The following MFHAS1 variants were observed in gnomAD, a reference collection of about 807,000 sequenced individuals.
MFHAS1 encodes multifunctional ROCO family signaling regulator 1.
MFHAS1 carries 50 observed loss-of-function variants against 70.4 expected under a neutral mutation model. The ratio of observed to expected loss-of-function variants is 0.71; its 90% CI spans 0.57 to 0.90. The LOEUF (loss-of-function observed/expected upper bound fraction) is 0.90. MFHAS1 is among the 40% of genes least tolerant of loss of function. MFHAS1 has a pLI of 0.00. For synonymous variants in MFHAS1, 952 were observed against 620.0 expected (o/e 1.54, Z -7.96); for missense variants, 1,795 against 1,347.6 (o/e 1.33, Z -5.20).
intron 1 of MFHAS1, among the ~76,000 whole-genome samples, chr8:8,838,766 T>C (rs1335114567): frequency 1.3e-5 from 2 of 148,756 alleles, no homozygotes; most frequent in East Asian, 2.0e-4. Flanking sequence ...GAGTCGAGAC[T>C]GCACCACTGC....
intron 1 of MFHAS1, among the ~76,000 whole-genome samples, chr8:8,813,990 G>A (rs1409670587): frequency 6.6e-6 from 1 of 150,642 alleles, no homozygotes; most frequent in Non-Finnish European, 1.5e-5. Context: ...CCATGCTGGA[G>A]TGCAGGGGCA....
intron 1 of MFHAS1, among the ~76,000 whole-genome samples, chr8:8,877,208 G>A (rs572948722): frequency 6.9e-6 from 1 of 145,682 alleles, no homozygotes; most frequent in East Asian, 2.1e-4. Context: ...GCTGAGGTGG[G>A]AGGATCACTG....
At chr8:8,886,049 G>C (rs891808648) in intron 1 of MFHAS1, among the ~76,000 whole-genome samples, 1 of 152,140 alleles carries the variant, frequency 6.6e-6, no homozygotes, top group Non-Finnish European at 1.5e-5. Flanking sequence ...TCTTAAATAA[G>C]ATGTCTTAAA....
intron 1 of MFHAS1, among the ~76,000 whole-genome samples, chr8:8,804,423 A>G (rs1563181405): frequency 6.6e-6 from 1 of 152,218 alleles, no homozygotes; most frequent in Non-Finnish European, 1.5e-5. Flanking sequence ...ACAAACAAAA[A>G]AACAACATTC....
At chr8:8,808,515 T>A (rs184318017) in intron 1 of MFHAS1, among the ~76,000 whole-genome samples, 120 of 152,314 alleles carry the variant, frequency 7.9e-4, no homozygotes, top group Non-Finnish European at 8.2e-4. Context: ...AGCTGTTAAG[T>A]GCTTTAGTAA....
chr8:8,881,426 C>A lies in MFHAS1; in HGVS notation c.2998+8635G>T, dbSNP rs191686216. 3.8e-3 allele frequency among the ~76,000 whole-genome samples: 584 copies of A among 152,346 alleles called. 7 individuals are homozygous for A. Among genetic ancestry groups the A allele is most frequent in the Non-Finnish European group, 3.5e-3 (240 of 68,026 alleles). ...CCTTCCATGACCTTCCAGGAACTCA[C>A]ACCAGCAGGTGTAACCTGTACACAC... is the stretch of plus-strand genomic sequence containing the variant. On this transcript the variant is annotated intron_variant, in intron 1 of 2. Coordinates refer to ENST00000276282, the MANE Select transcript of MFHAS1 (RefSeq NM_004225.3).
chr8:8,800,382 T>C (rs1206152005), intron 1 of MFHAS1, among the ~76,000 whole-genome samples: 1 of 152,234 alleles, frequency 6.6e-6, no homozygotes, highest in Non-Finnish European at 1.5e-5. Flanking sequence ...AAATGTTAAA[T>C]GCTTATCAAA....
rs1238296847 is a variant in MFHAS1, at chr8:8,784,591, T to C, written c.*1431A>G. 2 of 152,088 alleles carry C rather than the reference T, an allele frequency of 1.3e-5. No individual in the cohort carries two copies. The highest frequency in any genetic ancestry group is 4.8e-5 in the African/African-American group (2 of 41,418). The allele number at this position is 152,088 out of a possible 1,614,324, so 9.4% of individuals were successfully genotyped here. On this transcript the variant is annotated 3_prime_UTR_variant, in exon 3 of 3. Coordinates refer to ENST00000276282, the MANE Select transcript of MFHAS1 (RefSeq NM_004225.3). ...TGCTCCTTATTTCTTTTAAAAAACA[T>C]GTTGAGACTTTGTATACTGTAGCCT...
At chr8:8,809,035 A>G (rs375049707) in intron 1 of MFHAS1, among the ~76,000 whole-genome samples, 1 of 152,078 alleles carries the variant, frequency 6.6e-6, no homozygotes, top group South Asian at 2.1e-4. Flanking sequence ...TGAGATTCTC[A>G]TAAGAGTGGG....
intron 1 of MFHAS1, among the ~76,000 whole-genome samples, chr8:8,845,569 C>A (rs1808002107): frequency 6.6e-6 from 1 of 152,164 alleles, no homozygotes; most frequent in Non-Finnish European, 1.5e-5. Flanking sequence ...GGGCCCATGG[C>A]AGGCTCCGGG....
rs1810194101 is a variant in MFHAS1 at position 8,893,625 on chromosome 8, A to G, written c.-567T>C. On this transcript the variant is annotated 5_prime_UTR_variant, in exon 1 of 3. Transcript: ENST00000276282. ...CGGCGCTGGGAGGGCGCGATTGGGA[A>G]GCGGCAGCGCCGCCCGCCGGAGCGG... is the stretch of plus-strand genomic sequence containing the variant. 1 of 145,966 alleles carries G rather than the reference A, an allele frequency of 6.9e-6. No homozygotes were observed. The highest frequency in any genetic ancestry group is 2.1e-4 in the South Asian group (1 of 4,772). The allele number at this position is 145,966 out of a possible 1,614,324, so 9.0% of individuals were successfully genotyped here.
In MFHAS1 at chr8:8,893,076, A is replaced by G. The variant is rs994278400; in HGVS notation, c.-18T>C. On this transcript the variant is annotated 5_prime_UTR_variant, in exon 1 of 3. Coordinates refer to ENST00000276282, the MANE Select transcript of MFHAS1 (RefSeq NM_004225.3). ...CCAGCCATGGCGGGGCCCCGGGCCGACAGCCTCACGCGGACGCGGGAGCCC... is the reference window on the plus strand; with the variant it reads ...CCAGCCATGGCGGGGCCCCGGGCCGGCAGCCTCACGCGGACGCGGGAGCCC... 5.9e-5 allele frequency: 86 copies of G among 1,464,088 alleles called. No homozygotes were observed. The highest frequency in any genetic ancestry group is 7.4e-5 in the Non-Finnish European group (83 of 1,115,816). The allele number at this position is 1,464,088 out of a possible 1,614,324, so 90.7% of individuals were successfully genotyped here.
chr8:8,893,070 G>C lies in MFHAS1; in HGVS notation c.-12C>G, dbSNP rs1466416798. On this transcript the variant is annotated 5_prime_UTR_variant, in exon 1 of 3. Coordinates refer to ENST00000276282, the MANE Select transcript of MFHAS1 (RefSeq NM_004225.3). ...TCCATCCCAGCCATGGCGGGGCCCC[G>C]GGCCGACAGCCTCACGCGGACGCGG... 9 of 1,473,656 alleles carry C rather than the reference G, an allele frequency of 6.1e-6. No individual in the cohort carries two copies. Among genetic ancestry groups the C allele is most frequent in the Non-Finnish European group, 8.0e-6 (9 of 1,121,040 alleles). 91.3% of individuals were successfully genotyped at this position (1,473,656 alleles called of 1,614,324 possible).
intron 1 of MFHAS1, among the ~76,000 whole-genome samples, chr8:8,858,535 G>T (rs536850831): frequency 4.4e-4 from 67 of 152,224 alleles, no homozygotes; most frequent in African/African-American, 1.6e-3. Flanking sequence ...ATTATGCAAT[G>T]CTATAATTAC....
Position 8,797,394 on chromosome 8 carries a change from G to A in MFHAS1, c.3096C>T (p.Pro1032=), listed in dbSNP as rs1421483960. ...AACAGGGGCTGATCACAGTCGGCGTGGGTGGGTAAACCAAGGCAACATTTA... is the reference window on the plus strand; with the variant it reads ...AACAGGGGCTGATCACAGTCGGCGTAGGTGGGTAAACCAAGGCAACATTTA... ...ERVNVALVYP[P]TPTVISPCSK... Residue 1032 remains proline (P), a synonymous_variant, in exon 2 of 3, where the codon CCC becomes CCT. Transcript: ENST00000276282. 2.5e-6 allele frequency: 4 copies of A among 1,614,086 alleles called. No homozygotes were observed. The highest frequency in any genetic ancestry group is 1.7e-5 in the Admixed American group (1 of 60,026).
chr8:8,841,014 A>G lies in MFHAS1; in HGVS notation c.2999-43523T>C, dbSNP rs571459983. Among the ~76,000 whole-genome samples, 3 of 152,362 alleles carry G rather than the reference A, an allele frequency of 2.0e-5. No homozygotes were observed. The East Asian group carries it at 5.8e-4, about 29-fold the overall frequency. ...AAAACTATAAGCCCCATCACATGTA[A>G]TATTTTAAATGTCTTCATTTAACCT... is the stretch of plus-strand genomic sequence containing the variant. On this transcript the variant is annotated intron_variant, in intron 1 of 2. Transcript: ENST00000276282.
At chr8:8,791,251 G>A (rs1585016340) in intron 2 of MFHAS1, among the ~76,000 whole-genome samples, 1 of 151,582 alleles carries the variant, frequency 6.6e-6, no homozygotes, top group South Asian at 2.1e-4. Context: ...ATACGGTATC[G>A]CTGCAGGAGA....
At chr8:8,858,880 G>A (rs1306068831) in intron 1 of MFHAS1, among the ~76,000 whole-genome samples, 1 of 152,182 alleles carries the variant, frequency 6.6e-6, no homozygotes, top group African/African-American at 2.4e-5. Flanking sequence ...CAAGGATAAA[G>A]CATTCTCAGT....
chr8:8,868,069 A>G (rs1808929962), intron 1 of MFHAS1, among the ~76,000 whole-genome samples: 1 of 152,044 alleles, frequency 6.6e-6, no homozygotes, highest in Non-Finnish European at 1.5e-5. Flanking sequence ...ATCATTTATT[A>G]TAATAAGTGG....
Sources: allele counts gnomAD v4.1 joint callset (sites outside exome capture counted in the v4.1 genomes callset), GRCh38; gene constraint gnomAD v4.1.1; transcripts MANE v1.5; gene names NCBI Gene and HGNC (gene_info 2026-07-23, HGNC 2026-07-21).